The following RADIL variants were observed in gnomAD, a reference collection of about 807,000 sequenced individuals.
RADIL encodes the protein ras-associating and dilute domain-containing protein.
In RADIL, 99 loss-of-function variants were observed where a neutral mutation model predicts 97.6. The observed-to-expected ratio is 1.01, with a 90% CI of 0.86 to 1.20. The LOEUF is 1.20. RADIL is among the 50% of genes most tolerant of loss of function. The pLI is 0.00. For missense variants in RADIL, 1,765 were observed against 1,498.9 expected (o/e 1.18, Z -2.93); for synonymous variants, 803 against 691.8 (o/e 1.16, Z -2.52).
chr7:4,843,809 G>A (rs999188219), intron 2 of RADIL, among the ~76,000 whole-genome samples: 9 of 151,892 alleles, frequency 5.9e-5, no homozygotes, highest in African/African-American at 2.2e-4. Context: ...CTACTCGGGA[G>A]GCTGAGACAA....
chr7:4,827,003 C>T (rs751694914), intron 5 of RADIL, among the ~76,000 whole-genome samples: 10 of 152,032 alleles, frequency 6.6e-5, no homozygotes, highest in Non-Finnish European at 1.2e-4. Context: ...TCTGATGAGG[C>T]GAGTAGTAAA....
intron 5 of RADIL, among the ~76,000 whole-genome samples, chr7:4,829,673 G>C (rs1423407029): frequency 6.6e-6 from 1 of 152,070 alleles, no homozygotes; most frequent in African/African-American, 2.4e-5. Flanking sequence ...TGAGTCATGG[G>C]GGCGGGTCTT....
intron 2 of RADIL, chr7:4,859,930 C>G (rs187372673): frequency 8.7e-6 from 14 of 1,613,348 alleles, no homozygotes; most frequent in African/African-American, 1.3e-5. Flanking sequence ...GCTGAGTTTC[C>G]TGAAGGTCTG....
At chr7:4,861,851 G>GCGACCTTCACGTCCCCCACCACCA (rs1554264959) in intron 2 of RADIL, 4 of 1,352,472 alleles carry the variant, frequency 3.0e-6, no homozygotes, top group Non-Finnish European at 3.9e-6. Flanking sequence ...CCCCACCACC[G>GCGACCTTCACGTCCCCCACCACCA]CGACCTTCGC....
intron 5 of RADIL, among the ~76,000 whole-genome samples, chr7:4,827,414 C>T (rs1199060257): frequency 6.6e-6 from 1 of 150,872 alleles, no homozygotes; most frequent in East Asian, 1.9e-4. Context: ...AATCCCAGCA[C>T]TTTGGGAGGC....
Position 4,875,270 on chromosome 7 carries a change from G to A in RADIL, c.535+2335C>T, listed in dbSNP as rs188834430. ...GCCGGGCGTGGTGGTGGTGCATGCC[G>A]TAATCCCAGCTATTCAGGAGGCTGA... is the stretch of plus-strand genomic sequence containing the variant. On this transcript the variant is annotated intron_variant, in intron 2 of 14. Transcript: ENST00000399583. 3.8e-3 allele frequency among the ~76,000 whole-genome samples: 462 copies of A among 120,998 alleles called. 25 individuals are homozygous for A. Among genetic ancestry groups the A allele is most frequent in the African/African-American group, 0.02 (420 of 20,808 alleles). The allele number at this position is 120,998 out of a possible 152,430, so 79.4% of individuals were successfully genotyped here.
At chr7:4,876,766 C>T (rs939623390) in intron 2 of RADIL, among the ~76,000 whole-genome samples, 1 of 152,218 alleles carries the variant, frequency 6.6e-6, no homozygotes, top group African/African-American at 2.4e-5. Context: ...CAATGATCGG[C>T]TGCCCGTGGC....
In RADIL at chr7:4,840,454, C is replaced by T. The variant is rs1051658823; in HGVS notation, c.536-3849G>A. On this transcript the variant is annotated intron_variant, in intron 2 of 14. Coordinates refer to ENST00000399583, the MANE Select transcript of RADIL (RefSeq NM_018059.5). This position sits in a 1 kb window ranked among gnomAD's most constrained non-coding sequence, Gnocchi z 5.6. ...CTTCAGAAGCATCGCATGGCGCCAT[C>T]GCTAGACACACAGCGTGGAGTTGTC... 2.0e-5 allele frequency among the ~76,000 whole-genome samples: 3 copies of T among 152,150 alleles called. No homozygotes were observed. The highest frequency in any genetic ancestry group is 6.5e-5 in the Admixed American group (1 of 15,274).
intron 2 of RADIL, among the ~76,000 whole-genome samples, chr7:4,841,557 G>A (rs1185525963): frequency 6.6e-6 from 1 of 152,212 alleles, no homozygotes; most frequent in Non-Finnish European, 1.5e-5. Flanking sequence ...GAAGCCGGCG[G>A]GCGCGGGTCT....
Position 4,817,470 on chromosome 7 carries a change from T to C in RADIL, c.1616-119A>G. The C allele has an allele frequency of 2.6e-6, 2 of 782,272 alleles. No individual in the cohort carries two copies. The highest frequency in any genetic ancestry group is 4.0e-6 in the Non-Finnish European group (2 of 501,256). The allele number at this position is 782,272 out of a possible 1,614,324, so 48.5% of individuals were successfully genotyped here. On this transcript the variant is annotated intron_variant, in intron 6 of 14. Transcript: ENST00000399583. The surrounding 1 kb of genome is among the most constrained non-coding windows in gnomAD (Gnocchi z 8.3). ...CACCACCCAACGCGCCCATCTGGGG[T>C]CCAGATGCGATAAACTGGCCGAGGG... is the stretch of plus-strand genomic sequence containing the variant.
rs553541488 is a variant in RADIL, at chr7:4,810,662, A to G, written c.2139+4616T>C. Among the ~76,000 whole-genome samples, 6 of 152,356 alleles carry G rather than the reference A, an allele frequency of 3.9e-5. No individual in the cohort carries two copies. In the East Asian group the frequency reaches 9.6e-4, roughly 24 times the overall value. ...CCACGGAAGCATCTCCGTCGGGGAA[A>G]TTGCTCAATCGGAGCACATGCACTC... On this transcript the variant is annotated intron_variant, in intron 9 of 14. Coordinates refer to ENST00000399583, the MANE Select transcript of RADIL (RefSeq NM_018059.5).
chr7:4,827,426 G>A (rs576447264), intron 5 of RADIL, among the ~76,000 whole-genome samples: 44 of 151,074 alleles, frequency 2.9e-4, no homozygotes, highest in Admixed American at 5.3e-4. Context: ...TTGGGAGGCC[G>A]AGGTGGGCGG....
chr7:4,826,647 C>T lies in RADIL; in HGVS notation c.1455-4093G>A, dbSNP rs151015887. The stretch of plus-strand genomic sequence containing the variant: ...ACTCTGGAGGCTGAGGCATGAGAAT[C>T]GCTTGAACCCAGGAGGCGGAGGTTG... On this transcript the variant is annotated intron_variant, in intron 5 of 14. Transcript: ENST00000399583. Among the ~76,000 whole-genome samples the T allele has an allele frequency of 2.0e-3, 300 of 151,270 alleles. 3 individuals are homozygous for T. The highest frequency in any genetic ancestry group is 4.7e-3 in the African/African-American group (193 of 41,194).
At chr7:4,804,853 T>C (rs1222690488) in intron 10 of RADIL, among the ~76,000 whole-genome samples, 2 of 151,176 alleles carry the variant, frequency 1.3e-5, no homozygotes, top group South Asian at 2.1e-4. Context: ...CCCAGCACTT[T>C]GGGAGGCTGA....
rs1323929061 is a variant in RADIL at position 4,834,664 on chromosome 7, C to T, written c.1359G>A (p.Pro453=). The T allele has an allele frequency of 5.1e-6, 7 of 1,368,136 alleles. No homozygotes were observed. The highest frequency in any genetic ancestry group is 2.8e-5 in the East Asian group (1 of 35,850). The allele number at this position is 1,368,136 out of a possible 1,614,324, so 84.7% of individuals were successfully genotyped here. A position where few individuals can be genotyped will look rare whatever the true frequency, so the allele number is the denominator to read the frequency against. ...CIQHSATHFQ[P]GTFGQLLLKI... ...TGAGCAGGAGCTGCCCGAATGTGCC[C>T]GGCTGGAAGTGGGTGGCCGAGTGCT... Residue 453 remains proline (P), a synonymous_variant, in exon 4 of 15, where the codon CCG becomes CCA. Transcript: ENST00000399583. This position sits in a 1 kb window ranked among gnomAD's most constrained non-coding sequence, Gnocchi z 6.0.
At position 4,800,186 on chromosome 7, in the gene RADIL, G is replaced by A. The variant is rs1782034313; in HGVS notation, c.2967C>T (p.Gly989=). 1 of 1,609,098 alleles carries A rather than the reference G, an allele frequency of 6.2e-7. No homozygotes were observed. Among genetic ancestry groups the A allele is most frequent in the East Asian group, 2.2e-5 (1 of 44,734 alleles). The change falls in exon 13 of 15, where the codon GGC becomes GGT. Residue 989 remains glycine, a synonymous_variant. Transcript: ENST00000399583. ...GGCCACTCACCATCCCGTCGATCAG[G>A]CCCATCCCCAGCCCGGAGGGGCCTC... is the stretch of plus-strand genomic sequence containing the variant. ...LERGPSGLGM[G]LIDGMHTHLG...
At chr7:4,832,564 C>CT (rs1345590097) in intron 4 of RADIL, among the ~76,000 whole-genome samples, 3 of 151,850 alleles carry the variant, frequency 2.0e-5, no homozygotes, top group Non-Finnish European at 4.4e-5. Context: ...CATGGTGAAA[C>CT]CCCATCTCTA....
At position 4,797,107 on chromosome 7, in the gene RADIL, C is replaced by T. The variant is rs1197065750; in HGVS notation, c.*2271G>A. 6.6e-6 allele frequency: 1 copy of T among 152,294 alleles called. No individual in the cohort carries two copies. The highest frequency in any genetic ancestry group is 1.5e-5 in the Non-Finnish European group (1 of 68,086). The allele number at this position is 152,294 out of a possible 1,614,324, so 9.4% of individuals were successfully genotyped here. On this transcript the variant is annotated 3_prime_UTR_variant, in exon 15 of 15. Transcript: ENST00000399583. ...GGCCTGGCTGGGAAGTCGTTCTGCT[C>T]CACGTGGTGTCCCCGGGATCACTGG...
rs917602287 is a variant in RADIL at position 4,873,250 on chromosome 7, T to C, written c.535+4355A>G. Among the ~76,000 whole-genome samples the C allele has an allele frequency of 6.6e-6, 1 of 152,088 alleles. No individual in the cohort carries two copies. The highest frequency in any genetic ancestry group is 6.6e-5 in the Admixed American group (1 of 15,256). Reference sequence around the variant, plus strand: ...GCCCGGCCAAGTGTGACTCTTACCATAGGAGTAATGGGAAATTATTGAAAA... The same window carrying C: ...GCCCGGCCAAGTGTGACTCTTACCACAGGAGTAATGGGAAATTATTGAAAA... On this transcript the variant is annotated intron_variant, in intron 2 of 14. Transcript: ENST00000399583. The surrounding 1 kb of genome is among the most constrained non-coding windows in gnomAD (Gnocchi z 4.3).
Sources: gnomAD v4.1 joint callset for allele counts (sites outside exome capture counted in the v4.1 genomes callset) on GRCh38, gnomAD v4.1.1 for gene constraint, Gnocchi (gnomAD v3.1) non-coding constraint, MANE v1.5 for transcripts, NCBI Gene and HGNC (gene_info 2026-07-23, HGNC 2026-07-21) for gene names.